CAPZB: variants seen among roughly 807,000 people sequenced by gnomAD.
CAPZB encodes the protein capping actin protein of muscle Z-line subunit beta, also known as F-actin-capping protein subunit beta.
In CAPZB, 2 loss-of-function variants were observed where a neutral mutation model predicts 38.1. The ratio of observed to expected loss-of-function variants is 0.05; its 90% CI spans 0.02 to 0.17. CAPZB has a LOEUF of 0.17. Ranked by LOEUF, CAPZB falls within the 10% of genes least tolerant of loss-of-function variation. CAPZB has a pLI of 1.00. For missense variants in CAPZB, 161 were observed against 334.2 expected (o/e 0.48, Z 4.04); for synonymous variants, 107 against 127.4 (o/e 0.84, Z 1.08).
At chr1:19,355,512 A>T (rs912231592) in intron 6 of CAPZB, among the ~76,000 whole-genome samples, 8 of 151,378 alleles carry the variant, frequency 5.3e-5, no homozygotes, top group South Asian at 4.2e-4. Context: ...AAAAAAAAAA[A>T]TTTTACTGCA....
Position 19,365,820 on chromosome 1 carries a change from G to A in CAPZB, c.330-8257C>T, listed in dbSNP as rs184674808. Among the ~76,000 whole-genome samples, 11 of 150,670 alleles carry A rather than the reference G, an allele frequency of 7.3e-5. No homozygotes were observed. The East Asian group carries it at 9.7e-4, about 13-fold the overall frequency. ...TTGCACTCCAGCCTGAGTAACAAGA[G>A]TGAAACTCCGTCTCAAAAAGAAAAA... On this transcript the variant is annotated intron_variant, in intron 4 of 8. Transcript: ENST00000264202.
chr1:19,483,361 C>A (rs560811342), intron 1 of CAPZB, among the ~76,000 whole-genome samples: 17 of 152,328 alleles, frequency 1.1e-4, no homozygotes, highest in African/African-American at 3.6e-4. Context: ...ACAGTGGTTC[C>A]TCCACTGGCT....
chr1:19,475,063 G>A (rs1028068087), intron 1 of CAPZB, among the ~76,000 whole-genome samples: 1 of 152,118 alleles, frequency 6.6e-6, no homozygotes, highest in Admixed American at 6.6e-5. Context: ...GTCCACATGC[G>A]AAGACCCTTC....
intron 3 of CAPZB, among the ~76,000 whole-genome samples, chr1:19,383,346 T>G (rs951932654): frequency 7.3e-5 from 11 of 149,880 alleles, no homozygotes; most frequent in South Asian, 4.2e-4. Context: ...CTTGGGAGGC[T>G]GAGGCAGGAG....
chr1:19,484,593 C>T, intron 1 of CAPZB: 1 of 1,221,684 alleles, frequency 8.2e-7, no homozygotes, highest in Non-Finnish European at 1.0e-6. Context: ...GCACCGGGAC[C>T]ACCCCATCCC....
intron 1 of CAPZB, among the ~76,000 whole-genome samples, chr1:19,433,798 G>C (rs985502576): frequency 6.6e-6 from 1 of 152,118 alleles, no homozygotes; most frequent in African/African-American, 2.4e-5. Flanking sequence ...TCAGATGCCT[G>C]TGTGTGACTC....
At chr1:19,476,210 AG>A (rs756400949) in intron 1 of CAPZB, among the ~76,000 whole-genome samples, 7,123 of 135,440 alleles carry the variant, frequency 0.053, 239 homozygotes, top group East Asian at 0.11. Context: ...ATAGATAGAT[AG>A]ATAGATAGAT....
chr1:19,355,666 G>A (rs563677978), intron 6 of CAPZB, among the ~76,000 whole-genome samples: 35 of 152,360 alleles, frequency 2.3e-4, no homozygotes, highest in African/African-American at 8.2e-4. Flanking sequence ...CATCCTTGCA[G>A]AAAGTGGCGC....
intron 1 of CAPZB, among the ~76,000 whole-genome samples, chr1:19,465,595 A>G (rs9887859): frequency 0.27 from 40,823 of 152,086 alleles, 5,488 homozygotes; most frequent in East Asian, 0.39. Context: ...ACTCTGTGCA[A>G]TGGCTCAGGT....
chr1:19,347,801 C>T (rs372345181), intron 6 of CAPZB, among the ~76,000 whole-genome samples: 7 of 152,096 alleles, frequency 4.6e-5, no homozygotes, highest in African/African-American at 1.4e-4. Flanking sequence ...TCTCAGCTTC[C>T]TAGGAACCCT....
At chr1:19,459,912 TCA>T (rs1229308539) in intron 1 of CAPZB, among the ~76,000 whole-genome samples, 3 of 152,154 alleles carry the variant, frequency 2.0e-5, no homozygotes, top group African/African-American at 4.8e-5. Context: ...TTCTTAGTGA[TCA>T]CACAGTTGCA....
At chr1:19,400,952 C>T (rs2094300237) in intron 2 of CAPZB, among the ~76,000 whole-genome samples, 1 of 152,188 alleles carries the variant, frequency 6.6e-6, no homozygotes. Context: ...CCTTGTAGCA[C>T]TGTTGCACAT....
intron 6 of CAPZB, among the ~76,000 whole-genome samples, chr1:19,348,412 T>A (rs899119064): frequency 6.6e-6 from 1 of 152,082 alleles, no homozygotes; most frequent in Admixed American, 6.5e-5. Flanking sequence ...AAGCCTTGAA[T>A]GAGTTAGCAT....
At chr1:19,400,867 C>T (rs947701035) in intron 2 of CAPZB, among the ~76,000 whole-genome samples, 2 of 152,198 alleles carry the variant, frequency 1.3e-5, no homozygotes, top group Non-Finnish European at 2.9e-5. Flanking sequence ...TTTTTCACCA[C>T]TGGAGAGCTC....
At chr1:19,480,822 G>A (rs758704059) in intron 1 of CAPZB, among the ~76,000 whole-genome samples, 3 of 152,204 alleles carry the variant, frequency 2.0e-5, no homozygotes, top group Admixed American at 6.5e-5. Flanking sequence ...CCCAGAGCCA[G>A]ACAAACTCCA....
Position 19,387,175 on chromosome 1 carries a change from T to C in CAPZB, c.94-1549A>G, listed in dbSNP as rs565011742. On this transcript the variant is annotated intron_variant, in intron 2 of 8. Coordinates refer to ENST00000264202, the MANE Select transcript of CAPZB (RefSeq NM_004930.5). ...AGATTAGAGTTGAGGCCGGGAGCCA[T>C]AAAGTTACCCAAGGGCCACACAAGA... 3.3e-5 allele frequency among the ~76,000 whole-genome samples: 5 copies of C among 152,232 alleles called. No homozygotes were observed. The South Asian group carries it at 1.0e-3, about 32-fold the overall frequency.
chr1:19,456,096 G>A (rs1352207153), intron 1 of CAPZB, among the ~76,000 whole-genome samples: 3 of 152,170 alleles, frequency 2.0e-5, no homozygotes, highest in African/African-American at 7.2e-5. Flanking sequence ...ATTTTTGGTA[G>A]AGATGGAGTT....
At chr1:19,370,261 G>C (rs2094112805) in intron 4 of CAPZB, among the ~76,000 whole-genome samples, 1 of 152,234 alleles carries the variant, frequency 6.6e-6, no homozygotes, top group Non-Finnish European at 1.5e-5. Flanking sequence ...TCACAGTACA[G>C]GGCTGTGCCC....
intron 2 of CAPZB, among the ~76,000 whole-genome samples, chr1:19,392,300 T>C (rs2100272236): frequency 6.6e-6 from 1 of 151,512 alleles, no homozygotes; most frequent in Middle Eastern, 3.5e-3. Flanking sequence ...GACATGTGAA[T>C]AATGACCAAG....
Sources: allele counts gnomAD v4.1 joint callset (sites outside exome capture counted in the v4.1 genomes callset), GRCh38; gene constraint gnomAD v4.1.1; transcripts MANE v1.5; gene names NCBI Gene and HGNC (gene_info 2026-07-23, HGNC 2026-07-21).